Variants in RNF121 observed in about 807,000 individuals in gnomAD.
The protein encoded by RNF121 is ring finger protein 121.
RNF121 carries 21 observed loss-of-function variants against 46.5 expected under a neutral mutation model. The ratio of observed to expected loss-of-function variants is 0.45; its 90% CI spans 0.32 to 0.65. RNF121 has a LOEUF of 0.65. Among genes scored for constraint, RNF121 ranks in the 30% least tolerant of loss-of-function variants. The pLI, the probability that RNF121 is intolerant of heterozygous loss-of-function variation, is 0.04. For missense variants in RNF121, 346 were observed against 416.0 expected (o/e 0.83, Z 1.46); for synonymous variants, 139 against 144.7 (o/e 0.96, Z 0.28).
chr11:71,966,305 C>T (rs984052648), intron 3 of RNF121, among the ~76,000 whole-genome samples: 2 of 152,124 alleles, frequency 1.3e-5, no homozygotes, highest in African/African-American at 2.4e-5. Flanking sequence ...AAGTGTGAGC[C>T]GCCGTGCCTG....
chr11:71,995,226 T>C (rs1954950924), intron 7 of RNF121: 2 of 589,312 alleles, frequency 3.4e-6, no homozygotes, highest in Non-Finnish European at 6.1e-6. Context: ...TCTCTGCCTA[T>C]GTTGGGAAAG....
intron 1 of RNF121, among the ~76,000 whole-genome samples, chr11:71,948,402 C>G (rs1259453375): frequency 6.8e-6 from 1 of 147,640 alleles, no homozygotes; most frequent in Non-Finnish European, 1.5e-5. Flanking sequence ...GTAGCCCCAC[C>G]TACTTGGGAG....
intron 6 of RNF121, among the ~76,000 whole-genome samples, chr11:71,991,737 G>A (rs929868037): frequency 5.9e-5 from 9 of 152,072 alleles, no homozygotes; most frequent in Admixed American, 1.3e-4. Context: ...AGACCATTGC[G>A]GTTGTATGGC....
At chr11:71,929,259 G>T in intron 1 of RNF121, 135 bp downstream of exon 1, 1 of 1,404,610 alleles carries the variant, frequency 7.1e-7, no homozygotes, top group South Asian at 1.5e-5. Flanking sequence ...GGGCGGGTGC[G>T]TGGAGAGCGA....
chr11:71,932,112 T>C (rs768054953), intron 1 of RNF121, among the ~76,000 whole-genome samples: 2 of 152,252 alleles, frequency 1.3e-5, no homozygotes, highest in Non-Finnish European at 2.9e-5. Flanking sequence ...TGAGACGTAA[T>C]TTAGGCTTTC....
intron 1 of RNF121, among the ~76,000 whole-genome samples, chr11:71,942,374 C>G (rs977235248): frequency 6.6e-6 from 1 of 152,058 alleles, no homozygotes; most frequent in African/African-American, 2.4e-5. Context: ...GGTAATAGTC[C>G]ATATGGGAGA....
chr11:71,943,151 ATGGAGAAAAG>A (rs1346455452), intron 1 of RNF121, among the ~76,000 whole-genome samples: 1 of 152,250 alleles, frequency 6.6e-6, no homozygotes, highest in East Asian at 1.9e-4. Flanking sequence ...AGCAGAGACG[ATGGAGAAAAG>A]TGGATAAATT....
chr11:71,989,872 G>A (rs1248687547), intron 5 of RNF121, among the ~76,000 whole-genome samples: 1 of 152,044 alleles, frequency 6.6e-6, no homozygotes, highest in African/African-American at 2.4e-5. Flanking sequence ...TTAAACCTGT[G>A]TTTGACAAGC....
At position 71,996,249 on chromosome 11, in the gene RNF121, G is replaced by C. The variant is rs751772691; in HGVS notation, c.918G>C (p.Leu306Phe). 2 of 1,614,066 alleles carry C rather than the reference G, an allele frequency of 1.2e-6. No homozygotes were observed. Among genetic ancestry groups the C allele is most frequent in the Admixed American group, 3.3e-5 (2 of 60,020 alleles). ...AACTGCTGGACTGGCTTCGATACTT[G>C]GTAGCCTGGCAGCCTGTCATCATTG... ...YGQLLDWLRY[L>F]VAWQPVIIGV... The change falls in exon 9 of 9, where the codon TTG (leucine) becomes TTC (phenylalanine). Residue 306 changes from leucine (L) to phenylalanine (F), a missense_variant. This residue lies in a region of RNF121 where 286 missense variants were observed against 383.8 expected (regional missense o/e 0.75). Coordinates refer to ENST00000361756, the MANE Select transcript of RNF121 (RefSeq NM_018320.5).
chr11:71,991,415 A>G (rs1465362163), intron 6 of RNF121, among the ~76,000 whole-genome samples: 1 of 152,214 alleles, frequency 6.6e-6, no homozygotes, highest in Non-Finnish European at 1.5e-5. Context: ...TACAAAAATA[A>G]ACATGGTTTT....
Position 71,990,737 on chromosome 11 carries a change from T to C in RNF121, c.627+20T>C. 3.7e-6 allele frequency: 6 copies of C among 1,612,362 alleles called. No homozygotes were observed. Among genetic ancestry groups the C allele is most frequent in the Non-Finnish European group, 5.1e-6 (6 of 1,179,472 alleles). ...ATAGGGGTAAGTTCATCCGGGTTCT[T>C]AAATACTGCTTCTTGACACCTCCAA... On this transcript the variant is annotated intron_variant, in intron 6 of 8. Transcript: ENST00000361756.
intron 5 of RNF121, among the ~76,000 whole-genome samples, chr11:71,987,726 C>T (rs768199747): frequency 6.6e-6 from 1 of 152,186 alleles, no homozygotes; most frequent in Non-Finnish European, 1.5e-5. Flanking sequence ...TTTGCTGACT[C>T]TTGGGCTAGA....
At chr11:71,954,819 G>A (rs1317839860) in intron 1 of RNF121, among the ~76,000 whole-genome samples, 1 of 152,172 alleles carries the variant, frequency 6.6e-6, no homozygotes, top group Non-Finnish European at 1.5e-5. Flanking sequence ...TCCTTTCCCT[G>A]ATGCTTATTA....
chr11:71,966,238 C>T (rs1954273238), intron 3 of RNF121, among the ~76,000 whole-genome samples: 1 of 152,196 alleles, frequency 6.6e-6, no homozygotes, highest in African/African-American at 2.4e-5. Context: ...AGGCTGGTCT[C>T]GAATGCCTGA....
intron 2 of RNF121, among the ~76,000 whole-genome samples, chr11:71,958,601 C>T (rs2134174119): frequency 6.6e-6 from 1 of 152,216 alleles, no homozygotes; most frequent in South Asian, 2.1e-4. Context: ...TAGCTCCCAC[C>T]TGTAATCCCA....
At chr11:71,966,208 A>G (rs1182715841) in intron 3 of RNF121, among the ~76,000 whole-genome samples, 1 of 152,048 alleles carries the variant, frequency 6.6e-6, no homozygotes, top group Non-Finnish European at 1.5e-5. Context: ...TAGTAGAGAC[A>G]GGGTTTCTCC....
chr11:71,929,186 T>G, intron 1 of RNF121, 62 bp downstream of exon 1: 1 of 1,517,340 alleles, frequency 6.6e-7, no homozygotes, highest in South Asian at 1.2e-5. Flanking sequence ...GGCAGTGAGG[T>G]ATCGGGAGGT....
At chr11:71,933,141 C>A (rs556457986) in intron 1 of RNF121, among the ~76,000 whole-genome samples, 1 of 152,338 alleles carries the variant, frequency 6.6e-6, no homozygotes, top group Non-Finnish European at 1.5e-5. Flanking sequence ...GGCTAACCAA[C>A]CTCTGAGAGG....
chr11:71,956,729 T>G (rs1438062341), intron 1 of RNF121, among the ~76,000 whole-genome samples: 1 of 152,230 alleles, frequency 6.6e-6, no homozygotes, highest in Non-Finnish European at 1.5e-5. Context: ...TTGTGTACTA[T>G]GCAATTTTAT....
Sources: gnomAD v4.1 joint callset for allele counts (sites outside exome capture counted in the v4.1 genomes callset) on GRCh38, gnomAD v4.1.1 for gene constraint, gnomAD v4.1.1 regional missense constraint, MANE v1.5 for transcripts, NCBI Gene and HGNC (gene_info 2026-07-23, HGNC 2026-07-21) for gene names.